Variants in NCAM2 observed in about 807,000 individuals in gnomAD.
NCAM2 encodes the protein N-CAM-2.
NCAM2 carries 30 observed loss-of-function variants against 98.1 expected under a neutral mutation model. The observed-to-expected ratio is 0.31, with a 90% CI of 0.23 to 0.41. The LOEUF is 0.41. NCAM2 is among the 10% of genes least tolerant of loss of function. The probability of loss-of-function intolerance (pLI) is 1.00; values close to 1 mark genes in which losing one functional copy is unlikely to be tolerated. For synonymous variants in NCAM2, 368 were observed against 342.4 expected, an observed-to-expected ratio of 1.07 and a Z score of -0.83; for missense variants, 867 against 1,005.8, an observed-to-expected ratio of 0.86 and a Z score of 1.87.
chr21:21,205,241 A>AAT (rs2069392793), intron 1 of NCAM2, among the ~76,000 whole-genome samples: 2 of 152,198 alleles, frequency 1.3e-5, no homozygotes, highest in African/African-American at 4.8e-5. Context: ...ATGCACCTGC[A>AAT]GGCTTTTCAT....
intron 1 of NCAM2, among the ~76,000 whole-genome samples, chr21:21,128,724 T>C (rs2066876949): frequency 6.6e-6 from 1 of 151,712 alleles, no homozygotes; most frequent in Non-Finnish European, 1.5e-5. Flanking sequence ...AAAAGAAAAA[T>C]GAGTTGAAAA....
chr21:21,048,610 C>T (rs1384372740), intron 1 of NCAM2, among the ~76,000 whole-genome samples: 2 of 152,264 alleles, frequency 1.3e-5, no homozygotes, highest in African/African-American at 4.8e-5. Flanking sequence ...GCCTCGGCCT[C>T]CCAAAGTGCT....
intron 1 of NCAM2, among the ~76,000 whole-genome samples, chr21:21,228,578 G>A (rs893539297): frequency 6.6e-6 from 1 of 151,312 alleles, no homozygotes; most frequent in African/African-American, 2.4e-5. Flanking sequence ...ACTGAGAGAA[G>A]TATTCAAATA....
intron 5 of NCAM2, among the ~76,000 whole-genome samples, chr21:21,309,955 T>C (rs895167756): frequency 1.3e-5 from 2 of 152,240 alleles, no homozygotes; most frequent in South Asian, 2.1e-4. Flanking sequence ...TTTCAGGTGC[T>C]AAGATAAATT....
intron 16 of NCAM2, among the ~76,000 whole-genome samples, chr21:21,521,154 C>G (rs1214626374): frequency 6.6e-6 from 1 of 152,158 alleles, no homozygotes; most frequent in Non-Finnish European, 1.5e-5. Flanking sequence ...ATGTTTCCCC[C>G]TGGAAATCCC....
Position 21,248,776 on chromosome 21 carries a change from C to CAA in NCAM2, c.56-31762_56-31761dup, listed in dbSNP as rs1171857115. On this transcript the variant is annotated intron_variant, in intron 1 of 17. Coordinates refer to ENST00000400546, the MANE Select transcript of NCAM2 (RefSeq NM_004540.5). ...TGGGCAACAGAGCAAGACTCTGTCTCAAAAAAAAAAAAAAAAAAAAAAAAA... is the reference window on the plus strand; with the variant it reads ...TGGGCAACAGAGCAAGACTCTGTCTCAAAAAAAAAAAAAAAAAAAAAAAAAAA... 2.6e-4 allele frequency among the ~76,000 whole-genome samples: 13 copies of CAA among 50,680 alleles called. 1 individual carries two copies. The highest frequency in any genetic ancestry group is 1.6e-3 in the Admixed American group (4 of 2,538). The allele number at this position is 50,680 out of a possible 152,430, so 33.2% of individuals were successfully genotyped here.
At chr21:21,287,622 G>T (rs558331887) in intron 4 of NCAM2, among the ~76,000 whole-genome samples, 4 of 151,998 alleles carry the variant, frequency 2.6e-5, no homozygotes, top group South Asian at 4.1e-4. Flanking sequence ...TCAAGTGTAG[G>T]TTTATTGTAA....
At chr21:21,469,076 A>G (rs1984093152) in intron 14 of NCAM2, among the ~76,000 whole-genome samples, 1 of 151,984 alleles carries the variant, frequency 6.6e-6, no homozygotes, top group South Asian at 2.1e-4. Flanking sequence ...TTTGCTGACA[A>G]GCTTCTCATT....
chr21:21,060,135 T>C (rs1431946169), intron 1 of NCAM2, among the ~76,000 whole-genome samples: 2 of 152,114 alleles, frequency 1.3e-5, no homozygotes, highest in South Asian at 2.1e-4. Context: ...GCTATACTTA[T>C]CACAGTGTAT....
At chr21:21,164,069 T>C (rs987252039) in intron 1 of NCAM2, among the ~76,000 whole-genome samples, 3 of 152,200 alleles carry the variant, frequency 2.0e-5, no homozygotes, top group African/African-American at 7.2e-5. Flanking sequence ...AAAATCTATT[T>C]ATATTTAGCA....
intron 15 of NCAM2, among the ~76,000 whole-genome samples, chr21:21,504,682 T>G (rs1186574418): frequency 6.6e-6 from 1 of 151,818 alleles, no homozygotes; most frequent in South Asian, 2.1e-4. Flanking sequence ...TGAGAAAGTA[T>G]AAGCATTTAA....
At chr21:21,147,668 C>T (rs1306561951) in intron 1 of NCAM2, among the ~76,000 whole-genome samples, 1 of 147,080 alleles carries the variant, frequency 6.8e-6, no homozygotes, top group Non-Finnish European at 1.5e-5. Flanking sequence ...TATATATATA[C>T]ACACTAGCGC....
chr21:21,073,035 G>T (rs1470027239), intron 1 of NCAM2, among the ~76,000 whole-genome samples: 1 of 151,992 alleles, frequency 6.6e-6, no homozygotes, highest in Non-Finnish European at 1.5e-5. Flanking sequence ...TCTGAATTTG[G>T]CTGCTCTGTG....
intron 8 of NCAM2, among the ~76,000 whole-genome samples, chr21:21,358,650 G>A (rs1005296162): frequency 6.6e-6 from 1 of 152,002 alleles, no homozygotes; most frequent in Admixed American, 6.6e-5. Flanking sequence ...GGCATTCCAA[G>A]TTTATATAAA....
chr21:21,516,212 C>T (rs1988704228), intron 16 of NCAM2, among the ~76,000 whole-genome samples: 1 of 152,112 alleles, frequency 6.6e-6, no homozygotes, highest in African/African-American at 2.4e-5. Flanking sequence ...GTATTACTCA[C>T]AAAAGGAGAG....
intron 8 of NCAM2, among the ~76,000 whole-genome samples, chr21:21,344,367 T>TG (rs2075130920): frequency 6.6e-6 from 1 of 152,082 alleles, no homozygotes; most frequent in African/African-American, 2.4e-5. Flanking sequence ...ACCTTACTCT[T>TG]GCATGCCATT....
chr21:21,342,340 A>T (rs1308635784), intron 8 of NCAM2, among the ~76,000 whole-genome samples: 1 of 152,144 alleles, frequency 6.6e-6, no homozygotes, highest in Admixed American at 6.6e-5. Context: ...TGGAATCTCT[A>T]ATGTGCTTGT....
intron 14 of NCAM2, among the ~76,000 whole-genome samples, chr21:21,476,505 A>G (rs1985186464): frequency 6.6e-6 from 1 of 152,072 alleles, no homozygotes; most frequent in African/African-American, 2.4e-5. Context: ...TTAAATTTTT[A>G]ATACATGGCA....
intron 1 of NCAM2, among the ~76,000 whole-genome samples, chr21:21,126,737 TAATC>T (rs1217782455): frequency 1.3e-5 from 2 of 152,034 alleles, no homozygotes; most frequent in Non-Finnish European, 2.9e-5. Flanking sequence ...CAGAAACTGA[TAATC>T]AAATAAAATA....
Sources: gnomAD v4.1 joint callset for allele counts (sites outside exome capture counted in the v4.1 genomes callset) on GRCh38, gnomAD v4.1.1 for gene constraint, MANE v1.5 for transcripts, NCBI Gene and HGNC (gene_info 2026-07-23, HGNC 2026-07-21) for gene names.